Variants in ARHGAP31 observed in about 807,000 individuals in gnomAD.
The protein encoded by ARHGAP31 is rho GTPase-activating protein 31.
Under a neutral mutation model 113.9 loss-of-function variants are expected in ARHGAP31, and 34 were observed. The ratio of observed to expected loss-of-function variants is 0.30; its 90% confidence interval spans 0.23 to 0.40. The LOEUF (loss-of-function observed/expected upper bound fraction) is 0.40, where lower values mean the gene tolerates loss of function less well. Ranked by LOEUF, ARHGAP31 falls within the 10% of genes least tolerant of loss-of-function variation. ARHGAP31 has a pLI of 1.00. For missense variants in ARHGAP31, 1,548 were observed against 1,767.1 expected (o/e 0.88, Z 2.22); for synonymous variants, 650 against 684.8 (o/e 0.95, Z 0.79).
At chr3:119,305,766 G>T (rs2079626407) in intron 1 of ARHGAP31, among the ~76,000 whole-genome samples, 1 of 152,338 alleles carries the variant, frequency 6.6e-6, no homozygotes, top group Middle Eastern at 3.4e-3. Flanking sequence ...AAAGCCAAAT[G>T]CAGGTCTCTG....
At chr3:119,360,595 G>A (rs941520395) in intron 1 of ARHGAP31, among the ~76,000 whole-genome samples, 17 of 152,178 alleles carry the variant, frequency 1.1e-4, no homozygotes, top group African/African-American at 3.9e-4. Context: ...CCTTCAAGAG[G>A]TTAGGACATG....
chr3:119,416,290 A>G lies in ARHGAP31; in HGVS notation c.*26A>G, dbSNP rs763903205. On this transcript the variant is annotated 3_prime_UTR_variant, in exon 12 of 12. Coordinates refer to ENST00000264245, the MANE Select transcript of ARHGAP31 (RefSeq NM_020754.4). ...TTTCGGTTCACCTGCTGGTGTCTGA[A>G]AAAAACCGTGATTCATCTGGAAGTT... 3 of 1,611,034 alleles carry G rather than the reference A, an allele frequency of 1.9e-6. No homozygotes were observed. Among genetic ancestry groups the G allele is most frequent in the African/African-American group, 2.7e-5 (2 of 74,922 alleles).
Position 119,325,582 on chromosome 3 carries a change from G to A in ARHGAP31, c.100+30578G>A, listed in dbSNP as rs562059896. On this transcript the variant is annotated intron_variant, in intron 1 of 11. Transcript: ENST00000264245. ...CAGTCCCAGAGCCTTTGAACCAGGG[G>A]AGAAAGGGTGGAGGGGAAGCTAGCT... Among the ~76,000 whole-genome samples the A allele has an allele frequency of 9.6e-5, 14 of 145,278 alleles. No individual in the cohort carries two copies. The South Asian group carries it at 2.8e-3, about 29-fold the overall frequency.
At chr3:119,357,429 G>A (rs2107619213) in intron 1 of ARHGAP31, among the ~76,000 whole-genome samples, 1 of 152,290 alleles carries the variant, frequency 6.6e-6, no homozygotes, top group East Asian at 1.9e-4. Flanking sequence ...GGCTGAGAGG[G>A]AGGGAAAGCT....
chr3:119,296,292 G>A (rs1348848203), intron 1 of ARHGAP31, among the ~76,000 whole-genome samples: 1 of 152,186 alleles, frequency 6.6e-6, no homozygotes, highest in Non-Finnish European at 1.5e-5. Context: ...GAGAACCACA[G>A]GTTTCAAAAC....
At chr3:119,389,619 C>A (rs1181870774) in intron 6 of ARHGAP31, among the ~76,000 whole-genome samples, 1 of 152,176 alleles carries the variant, frequency 6.6e-6, no homozygotes, top group Non-Finnish European at 1.5e-5. Context: ...CAGTTGTCTT[C>A]ATTTTCTGTG....
intron 2 of ARHGAP31, among the ~76,000 whole-genome samples, 200 bp downstream of exon 2, chr3:119,365,618 T>C (rs2080247004): frequency 6.6e-6 from 1 of 152,270 alleles, no homozygotes; most frequent in Non-Finnish European, 1.5e-5. Context: ...TGTAATTCTT[T>C]CCAACAAAAG....
chr3:119,416,302 T>C lies in ARHGAP31; in HGVS notation c.*38T>C, dbSNP rs886057803. 1 of 1,609,186 alleles carries C rather than the reference T, an allele frequency of 6.2e-7. No individual in the cohort carries two copies. The highest frequency in any genetic ancestry group is 1.3e-5 in the African/African-American group (1 of 74,936). ...TGCTGGTGTCTGAAAAAAACCGTGA[T>C]TCATCTGGAAGTTATTACAGGGCCA... On this transcript the variant is annotated 3_prime_UTR_variant, in exon 12 of 12. Coordinates refer to ENST00000264245, the MANE Select transcript of ARHGAP31 (RefSeq NM_020754.4).
At chr3:119,382,947 G>C in intron 5 of ARHGAP31, 137 bp from the exon 6 acceptor site, 2 of 1,156,886 alleles carry the variant, frequency 1.7e-6, no homozygotes, top group Non-Finnish European at 2.5e-6. Flanking sequence ...CCTTTAATTG[G>C]CCCTAAATAA....
At chr3:119,324,934 TA>T (rs2079828803) in intron 1 of ARHGAP31, 1 of 456,614 alleles carries the variant, frequency 2.2e-6, no homozygotes, top group Non-Finnish European at 4.4e-6. Context: ...ATACTTTACT[TA>T]AAAGGTGAAA....
intron 1 of ARHGAP31, among the ~76,000 whole-genome samples, chr3:119,316,687 TGC>T (rs929717653): frequency 2.0e-5 from 3 of 152,216 alleles, no homozygotes; most frequent in African/African-American, 4.8e-5. Flanking sequence ...CTCAAGTCTG[TGC>T]TATGCTTTTC....
intron 1 of ARHGAP31, chr3:119,330,036 A>G: frequency 2.0e-5 from 19 of 973,702 alleles, no homozygotes; most frequent in Non-Finnish European, 2.2e-5. Flanking sequence ...GCTTCATAAA[A>G]CCAACTAGTG....
rs866339977 is a variant in ARHGAP31, at chr3:119,418,265, T to C, written c.*2001T>C. ...CATTGAACCAACAGCCAACGAGATA[T>C]GAACCTGTAAGAAAAAAGTCCTAGA... On this transcript the variant is annotated 3_prime_UTR_variant, in exon 12 of 12. Transcript: ENST00000264245. 2 of 152,092 alleles carry C rather than the reference T, an allele frequency of 1.3e-5. No homozygotes were observed. The highest frequency in any genetic ancestry group is 2.1e-4 in the South Asian group (1 of 4,822). The allele number at this position is 152,092 out of a possible 1,614,324, so 9.4% of individuals were successfully genotyped here.
intron 1 of ARHGAP31, among the ~76,000 whole-genome samples, chr3:119,316,428 T>C (rs1272678643): frequency 6.6e-6 from 1 of 152,196 alleles, no homozygotes; most frequent in East Asian, 1.9e-4. Context: ...ACCCCCACCA[T>C]TTCCCTAGGA....
chr3:119,322,377 T>C (rs1475985018), intron 1 of ARHGAP31, among the ~76,000 whole-genome samples: 1 of 152,200 alleles, frequency 6.6e-6, no homozygotes, highest in African/African-American at 2.4e-5. Flanking sequence ...ACAGTGACAA[T>C]TGCTGCTCTG....
At chr3:119,326,396 G>A (rs2079844424) in intron 1 of ARHGAP31, among the ~76,000 whole-genome samples, 1 of 152,148 alleles carries the variant, frequency 6.6e-6, no homozygotes, top group African/African-American at 2.4e-5. Flanking sequence ...GAAACACTGG[G>A]TGCTCGGTGG....
At chr3:119,310,227 G>C (rs2079667741) in intron 1 of ARHGAP31, among the ~76,000 whole-genome samples, 1 of 152,208 alleles carries the variant, frequency 6.6e-6, no homozygotes, top group African/African-American at 2.4e-5. Flanking sequence ...TCAGTCTTCA[G>C]GGGTCAAAAG....
intron 1 of ARHGAP31, among the ~76,000 whole-genome samples, chr3:119,338,487 T>C (rs1312725482): frequency 2.6e-5 from 4 of 152,188 alleles, no homozygotes; most frequent in African/African-American, 9.7e-5. Context: ...ATATGACCAC[T>C]TGAGGTTTTT....
intron 10 of ARHGAP31, among the ~76,000 whole-genome samples, chr3:119,402,992 C>T (rs1010935318): frequency 1.3e-5 from 2 of 152,176 alleles, no homozygotes; most frequent in Non-Finnish European, 2.9e-5. Context: ...CAGCCTTGGA[C>T]CAATCACTGT....
Sources: allele counts gnomAD v4.1 joint callset (sites outside exome capture counted in the v4.1 genomes callset), GRCh38; gene constraint gnomAD v4.1.1; transcripts MANE v1.5; gene names NCBI Gene and HGNC (gene_info 2026-07-23, HGNC 2026-07-21).